The following SCAND3 variants were observed in gnomAD, a reference collection of about 807,000 sequenced individuals.
SCAND3 encodes the protein SCAN domain-containing protein 3.
chr6:28,590,075 T>A, the SCAND3 span: 1 of 152,154 alleles, frequency 6.6e-6, no homozygotes, highest in African/African-American at 2.4e-5. Flanking sequence ...GCGTCGAGTC[T>A]TCCAGCCGGA....
chr6:28,582,948 AT>A, the SCAND3 span, among the ~76,000 whole-genome samples: 2,903 of 152,150 alleles, frequency 0.019, 40 homozygotes, highest in African/African-American at 0.038. This position sits in a 1 kb window ranked among gnomAD's most constrained non-coding sequence, Gnocchi z 4.8. Flanking sequence ...ATAAAATAAA[AT>A]AAAAAACACT....
the SCAND3 span, among the ~76,000 whole-genome samples, chr6:28,611,244 T>A: frequency 6.6e-6 from 1 of 152,210 alleles, no homozygotes; most frequent in Non-Finnish European, 1.5e-5. Flanking sequence ...CCAAGATACA[T>A]CTTTTCTAAA....
chr6:28,595,408 A>C, the SCAND3 span, among the ~76,000 whole-genome samples: 1 of 150,712 alleles, frequency 6.6e-6, no homozygotes, highest in African/African-American at 2.4e-5. Flanking sequence ...AGCTTTCCTG[A>C]GGCAAACATT....
the SCAND3 span, among the ~76,000 whole-genome samples, chr6:28,615,134 T>TC: frequency 6.6e-6 from 1 of 152,224 alleles, no homozygotes; most frequent in East Asian, 1.9e-4. Context: ...CATAGAGCTC[T>TC]CTGCACAGCC....
At chr6:28,592,205 T>C in the SCAND3 span, among the ~76,000 whole-genome samples, 192 of 152,270 alleles carry the variant, frequency 1.3e-3, 6 homozygotes, top group South Asian at 0.034. The surrounding 1 kb of genome is among the most constrained non-coding windows in gnomAD (Gnocchi z 4.1). Context: ...CCTAAAGATG[T>C]TACAGAAAAG....
chr6:28,576,766 G>T, the SCAND3 span, among the ~76,000 whole-genome samples: 3 of 147,246 alleles, frequency 2.0e-5, no homozygotes, highest in East Asian at 6.7e-4. Flanking sequence ...ACTATGCAAA[G>T]ACTTTTTTTT....
chr6:28,587,707 A>G, the SCAND3 span: 2 of 151,128 alleles, frequency 1.3e-5, no homozygotes. Flanking sequence ...TTTCCCTTTC[A>G]CCCTAAATCA....
the SCAND3 span, among the ~76,000 whole-genome samples, chr6:28,613,925 C>T: frequency 6.6e-6 from 1 of 152,014 alleles, no homozygotes; most frequent in African/African-American, 2.4e-5. Flanking sequence ...ACTACTATAC[C>T]ACTCACAGGG....
chr6:28,578,948 T>C, the SCAND3 span, among the ~76,000 whole-genome samples: 2 of 152,168 alleles, frequency 1.3e-5, no homozygotes, highest in Non-Finnish European at 2.9e-5. Context: ...AAAATTGTGG[T>C]CAGAGGCTAC....
chr6:28,600,649 TA>T, the SCAND3 span, among the ~76,000 whole-genome samples: 2 of 152,024 alleles, frequency 1.3e-5, no homozygotes, highest in African/African-American at 4.8e-5. Context: ...TGTAAAAAAG[TA>T]AACAGAGTTT....
chr6:28,575,663 G>A, the SCAND3 span: 1 of 1,614,008 alleles, frequency 6.2e-7, no homozygotes, highest in Non-Finnish European at 8.5e-7. The surrounding 1 kb of genome is among the most constrained non-coding windows in gnomAD (Gnocchi z 4.2). Flanking sequence ...GGTTTACAGA[G>A]GGTCAGATAC....
At chr6:28,586,285 T>C in the SCAND3 span, 154 of 1,574,570 alleles carry the variant, frequency 9.8e-5, no homozygotes, top group Non-Finnish European at 1.3e-4. This position sits in a 1 kb window ranked among gnomAD's most constrained non-coding sequence, Gnocchi z 4.4. Flanking sequence ...AGATGGCACC[T>C]CCAATTTCTC....
At chr6:28,575,775 A>C in the SCAND3 span, 1 of 1,614,138 alleles carries the variant, frequency 6.2e-7, no homozygotes, top group Non-Finnish European at 8.5e-7. This position sits in a 1 kb window ranked among gnomAD's most constrained non-coding sequence, Gnocchi z 4.2. Context: ...TATTATGCAG[A>C]ATGTCAAATA....
chr6:28,592,202 A>G, the SCAND3 span, among the ~76,000 whole-genome samples: 1 of 152,202 alleles, frequency 6.6e-6, no homozygotes, highest in Admixed American at 6.5e-5. This position sits in a 1 kb window ranked among gnomAD's most constrained non-coding sequence, Gnocchi z 4.1. Context: ...AATCCTAAAG[A>G]TGTTACAGAA....
the SCAND3 span, among the ~76,000 whole-genome samples, chr6:28,578,409 C>T: frequency 2.0e-5 from 3 of 152,146 alleles, no homozygotes; most frequent in Non-Finnish European, 4.4e-5. Context: ...ACAGAGATCA[C>T]TTATTTCTCT....
At chr6:28,591,601 T>C in the SCAND3 span, 2 of 152,196 alleles carry the variant, frequency 1.3e-5, no homozygotes, top group South Asian at 4.1e-4. Flanking sequence ...CTAATCAAGT[T>C]CCTCGTAGTC....
chr6:28,586,764 A>G, the SCAND3 span: 1 of 1,527,924 alleles, frequency 6.5e-7, no homozygotes, highest in Non-Finnish European at 8.8e-7. The surrounding 1 kb of genome is among the most constrained non-coding windows in gnomAD (Gnocchi z 4.4). Flanking sequence ...GTTGGGGTCT[A>G]GGCAAATGGG....
chr6:28,585,192 T>G, the SCAND3 span: 1 of 152,246 alleles, frequency 6.6e-6, no homozygotes, highest in Non-Finnish European at 1.5e-5. Flanking sequence ...AAACACTGTA[T>G]AGTTTCAAAC....
At chr6:28,588,421 GTT>G in the SCAND3 span, among the ~76,000 whole-genome samples, 40,883 of 151,864 alleles carry the variant, frequency 0.27, 6,422 homozygotes, top group African/African-American at 0.43. The surrounding 1 kb of genome is among the most constrained non-coding windows in gnomAD (Gnocchi z 4.1). Context: ...TGTTTTGTTT[GTT>G]TTGTTTTGTA....
Sources: allele counts gnomAD v4.1 joint callset (sites outside exome capture counted in the v4.1 genomes callset), GRCh38; gene constraint gnomAD v4.1.1; non-coding constraint Gnocchi (gnomAD v3.1); transcripts MANE v1.5; gene names NCBI Gene and HGNC (gene_info 2026-07-23, HGNC 2026-07-21).